Variants in IMMP2L observed in about 807,000 individuals in gnomAD.
The protein encoded by IMMP2L is inner mitochondrial membrane peptidase subunit 2.
In IMMP2L, 18 loss-of-function variants were observed where a neutral mutation model predicts 19.3. That is an observed-to-expected ratio of 0.93 (90% confidence interval 0.64 to 1.38). IMMP2L has a LOEUF of 1.38. Among genes scored for constraint, IMMP2L ranks in the 40% most tolerant of loss-of-function variants. The pLI is 0.00. For synonymous variants in IMMP2L, 76 were observed against 73.0 expected, an observed-to-expected ratio of 1.04 and a Z score of -0.21; for missense variants, 233 against 218.2, an observed-to-expected ratio of 1.07 and a Z score of -0.43.
At chr7:111,339,106 T>A (rs1390878418) in intron 3 of IMMP2L, among the ~76,000 whole-genome samples, 4 of 152,108 alleles carry the variant, frequency 2.6e-5, no homozygotes, top group African/African-American at 4.8e-5. Context: ...AAACTAATGT[T>A]ATTACTTTCA....
At chr7:111,045,637 A>G (rs1399432841) in intron 3 of IMMP2L, among the ~76,000 whole-genome samples, 1 of 152,200 alleles carries the variant, frequency 6.6e-6, no homozygotes, top group African/African-American at 2.4e-5. Flanking sequence ...GTGATGCAAT[A>G]TAAGACTCTA....
intron 3 of IMMP2L, among the ~76,000 whole-genome samples, chr7:111,037,313 G>A (rs1206964281): frequency 6.6e-6 from 1 of 152,106 alleles, no homozygotes; most frequent in Non-Finnish European, 1.5e-5. Flanking sequence ...TTCTCAAGTG[G>A]AGGTTTCCAA....
intron 5 of IMMP2L, among the ~76,000 whole-genome samples, chr7:110,685,814 T>C (rs749210497): frequency 2.6e-5 from 4 of 152,098 alleles, no homozygotes; most frequent in Non-Finnish European, 4.4e-5. Flanking sequence ...GTAACATCCC[T>C]ATGAGACCTT....
chr7:110,692,315 TG>T (rs1214833479), intron 5 of IMMP2L, among the ~76,000 whole-genome samples: 1 of 151,694 alleles, frequency 6.6e-6, no homozygotes, highest in African/African-American at 2.4e-5. Flanking sequence ...GCATATAGAG[TG>T]GTATAATGGA....
chr7:111,025,074 C>T (rs1826675674), intron 3 of IMMP2L, among the ~76,000 whole-genome samples: 1 of 152,086 alleles, frequency 6.6e-6, no homozygotes, highest in African/African-American at 2.4e-5. Context: ...CTTCCTTCAC[C>T]TACTCCCTCC....
chr7:111,536,451 G>A (rs945518352), intron 1 of IMMP2L, among the ~76,000 whole-genome samples: 5 of 151,896 alleles, frequency 3.3e-5, no homozygotes, highest in African/African-American at 1.2e-4. Flanking sequence ...GACCACAGAT[G>A]CACACCACCA....
intron 5 of IMMP2L, among the ~76,000 whole-genome samples, chr7:110,819,354 G>A (rs994147690): frequency 6.6e-6 from 1 of 151,952 alleles, no homozygotes; most frequent in African/African-American, 2.4e-5. Context: ...AGCCCAAGCA[G>A]TTTCTATATG....
intron 4 of IMMP2L, among the ~76,000 whole-genome samples, chr7:110,935,924 A>C (rs2129552331): frequency 6.6e-6 from 1 of 152,226 alleles, no homozygotes; most frequent in Middle Eastern, 3.4e-3. Context: ...TCTTTGACAA[A>C]CCTGACAAAA....
intron 3 of IMMP2L, among the ~76,000 whole-genome samples, chr7:111,439,624 A>G (rs534466344): frequency 6.6e-6 from 1 of 152,056 alleles, no homozygotes; most frequent in East Asian, 1.9e-4. Flanking sequence ...GGCAAGTTGT[A>G]ATCTTTTAGC....
In IMMP2L at chr7:111,411,540, TCTACAAGACCCCAGCAGGCACCATC is replaced by T. The variant is rs1233336151; in HGVS notation, c.239+75673_239+75697del. 5 of 383,166 alleles carry T rather than the reference TCTACAAGACCCCAGCAGGCACCATC, an allele frequency of 1.3e-5. 1 individual carries two copies. Among genetic ancestry groups the T allele is most frequent in the Non-Finnish European group, 2.6e-5 (5 of 190,606 alleles). 23.7% of individuals were successfully genotyped at this position (383,166 alleles called of 1,614,324 possible). On this transcript the variant is annotated intron_variant, in intron 3 of 5. Coordinates refer to ENST00000405709, the MANE Select transcript of IMMP2L (RefSeq NM_032549.4). ...TTCATTAGAATAAAGTCCAGAGGTA[TCTACAAGACCCCAGCAGGCACCATC>T]CTTCAACAGGCTGATTTAGACATCG...
chr7:111,073,412 T>C (rs1795128200), intron 3 of IMMP2L, among the ~76,000 whole-genome samples: 1 of 152,216 alleles, frequency 6.6e-6, no homozygotes, highest in South Asian at 2.1e-4. Context: ...TTTACAAGTT[T>C]AAATTTTTTC....
intron 3 of IMMP2L, among the ~76,000 whole-genome samples, chr7:111,336,251 A>C (rs1826397598): frequency 6.7e-6 from 1 of 150,068 alleles, no homozygotes; most frequent in African/African-American, 2.5e-5. Flanking sequence ...ACAGGGTCCC[A>C]CTATGTTGCC....
At chr7:110,890,998 G>C (rs1271705272) in intron 4 of IMMP2L, among the ~76,000 whole-genome samples, 2 of 151,820 alleles carry the variant, frequency 1.3e-5, no homozygotes, top group African/African-American at 4.8e-5. Flanking sequence ...CTCTTAAGTA[G>C]GTCATTTATA....
At chr7:111,309,124 T>C (rs1823212902) in intron 3 of IMMP2L, among the ~76,000 whole-genome samples, 1 of 152,086 alleles carries the variant, frequency 6.6e-6, no homozygotes, top group East Asian at 1.9e-4. Flanking sequence ...TAATTTGGGA[T>C]CAAGATTTGA....
chr7:110,867,741 C>T (rs1808122284), intron 5 of IMMP2L, among the ~76,000 whole-genome samples: 1 of 152,022 alleles, frequency 6.6e-6, no homozygotes, highest in Non-Finnish European at 1.5e-5. Flanking sequence ...AATCCAGCTC[C>T]TCCAGGCCTT....
chr7:111,558,499 A>C (rs1472362522), intron 1 of IMMP2L, among the ~76,000 whole-genome samples: 1 of 152,226 alleles, frequency 6.6e-6, no homozygotes, highest in Non-Finnish European at 1.5e-5. Context: ...AATCATAAGT[A>C]ATTATCCCAT....
At chr7:111,492,124 C>CA (rs1843163599) in intron 2 of IMMP2L, among the ~76,000 whole-genome samples, 1 of 151,314 alleles carries the variant, frequency 6.6e-6, no homozygotes, top group Non-Finnish European at 1.5e-5. Context: ...TCTATAAGCT[C>CA]TTTTTTTTTC....
At chr7:110,806,073 C>G (rs1801612099) in intron 5 of IMMP2L, among the ~76,000 whole-genome samples, 1 of 151,982 alleles carries the variant, frequency 6.6e-6, no homozygotes, top group Non-Finnish European at 1.5e-5. Flanking sequence ...AAAGACTGCA[C>G]TCTTAATTAG....
At chr7:110,774,075 G>C (rs1799220751) in intron 5 of IMMP2L, among the ~76,000 whole-genome samples, 1 of 151,984 alleles carries the variant, frequency 6.6e-6, no homozygotes, top group Non-Finnish European at 1.5e-5. Context: ...GAAGGGGGAA[G>C]GCTGAAAAAC....
Sources: gnomAD v4.1 joint callset for allele counts (sites outside exome capture counted in the v4.1 genomes callset) on GRCh38, gnomAD v4.1.1 for gene constraint, MANE v1.5 for transcripts, NCBI Gene and HGNC (gene_info 2026-07-23, HGNC 2026-07-21) for gene names.